Variants in ATP8A1 observed in about 807,000 individuals in gnomAD.
ATP8A1 encodes the protein ATPase phospholipid transporting 8A1.
ATP8A1 carries 90 observed loss-of-function variants against 177.7 expected under a neutral mutation model. That is an observed-to-expected ratio of 0.51 (90% confidence interval 0.43 to 0.60). ATP8A1 has a LOEUF of 0.60. Ranked by LOEUF, ATP8A1 falls within the 20% of genes least tolerant of loss-of-function variation. The pLI is 0.00. For missense variants in ATP8A1, 1,072 were observed against 1,392.8 expected, an observed-to-expected ratio of 0.77 and a Z score of 3.67; for synonymous variants, 493 against 485.9, an observed-to-expected ratio of 1.01 and a Z score of -0.19.
chr4:42,501,988 A>G (rs1723899578), intron 24 of ATP8A1, among the ~76,000 whole-genome samples: 1 of 152,186 alleles, frequency 6.6e-6, no homozygotes, highest in South Asian at 2.1e-4. Flanking sequence ...ACTTTTAGCC[A>G]CTTTACTTAA....
At position 42,447,253 on chromosome 4, in the gene ATP8A1, G is replaced by A. The variant is rs112814820; in HGVS notation, c.2897-609C>T. ...GGTTGGAGTGCAGTGGCGTGATCTC[G>A]GCTCACTGCAACCTCCGCTCCCGGG... On this transcript the variant is annotated intron_variant, in intron 30 of 36. Transcript: ENST00000381668. Among the ~76,000 whole-genome samples, 969 of 152,084 alleles carry A rather than the reference G, an allele frequency of 6.4e-3. 10 individuals are homozygous for A. The highest frequency in any genetic ancestry group is 0.022 in the African/African-American group (919 of 41,454).
At chr4:42,619,531 G>A (rs1408126825) in intron 4 of ATP8A1, among the ~76,000 whole-genome samples, 1 of 151,858 alleles carries the variant, frequency 6.6e-6, no homozygotes, top group Admixed American at 6.6e-5. Flanking sequence ...AGCATCAAGA[G>A]TTAAAATGCA....
At chr4:42,543,806 A>G in intron 20 of ATP8A1, 111 bp downstream of exon 20, 1 of 693,144 alleles carries the variant, frequency 1.4e-6, no homozygotes, top group African/African-American at 1.8e-5. Flanking sequence ...ACAAAAGTGG[A>G]TGTCAGCAAC....
At chr4:42,590,291 A>G (rs1027412452) in intron 7 of ATP8A1, among the ~76,000 whole-genome samples, 4 of 152,236 alleles carry the variant, frequency 2.6e-5, no homozygotes, top group African/African-American at 9.6e-5. Flanking sequence ...TGCAACATCC[A>G]GCTTTGTGCA....
chr4:42,578,427 T>C, intron 11 of ATP8A1, 40 bp from the exon 12 acceptor site: 3 of 1,596,774 alleles, frequency 1.9e-6, no homozygotes, highest in Non-Finnish European at 2.6e-6. Flanking sequence ...TACAGTTTTA[T>C]ATTTTATTTG....
chr4:42,535,934 A>G (rs1385357087), intron 20 of ATP8A1, among the ~76,000 whole-genome samples: 1 of 152,222 alleles, frequency 6.6e-6, no homozygotes, highest in African/African-American at 2.4e-5. Context: ...GACACAAACT[A>G]TCAAAACCTC....
At chr4:42,575,348 T>C (rs1732338032) in intron 13 of ATP8A1, among the ~76,000 whole-genome samples, 1 of 152,198 alleles carries the variant, frequency 6.6e-6, no homozygotes, top group African/African-American at 2.4e-5. Flanking sequence ...AACTTGAAAA[T>C]AGCCAATATG....
chr4:42,623,768 G>A (rs951648479), intron 4 of ATP8A1, among the ~76,000 whole-genome samples: 1 of 152,128 alleles, frequency 6.6e-6, no homozygotes, highest in Non-Finnish European at 1.5e-5. Context: ...TCGGTTTAAT[G>A]CCTGGGTGAT....
chr4:42,589,852 C>CTTT lies in ATP8A1; in HGVS notation c.524+956_524+958dup, dbSNP rs5857854. Among the ~76,000 whole-genome samples the CTTT allele has an allele frequency of 4.6e-4, 69 of 150,024 alleles. 2 individuals are homozygous for CTTT. The East Asian group carries it at 6.2e-3, about 14-fold the overall frequency. ...CAATTAGAATAATATTCTAATTCTACTTTTTTTTTTTGCATAAAGTAACTT... is the reference window on the plus strand; with the variant it reads ...CAATTAGAATAATATTCTAATTCTACTTTTTTTTTTTTTTGCATAAAGTAACTT... On this transcript the variant is annotated intron_variant, in intron 7 of 36. Coordinates refer to ENST00000381668, the MANE Select transcript of ATP8A1 (RefSeq NM_006095.2).
At chr4:42,419,686 C>G (rs1318903216) in intron 35 of ATP8A1, among the ~76,000 whole-genome samples, 1 of 152,142 alleles carries the variant, frequency 6.6e-6, no homozygotes, top group African/African-American at 2.4e-5. Context: ...AATTTCTTCC[C>G]TTTTGATAAA....
chr4:42,614,165 A>G (rs1357107476), intron 5 of ATP8A1, among the ~76,000 whole-genome samples: 1 of 152,182 alleles, frequency 6.6e-6, no homozygotes, highest in Non-Finnish European at 1.5e-5. Flanking sequence ...ATGGTAGGCA[A>G]GGAATTTTTT....
intron 22 of ATP8A1, among the ~76,000 whole-genome samples, chr4:42,514,335 G>A (rs1725304877): frequency 6.6e-6 from 1 of 152,184 alleles, no homozygotes; most frequent in Non-Finnish European, 1.5e-5. Flanking sequence ...TGAGAAGACA[G>A]CAATACCCAG....
At chr4:42,420,193 C>A (rs1171804988) in intron 35 of ATP8A1, among the ~76,000 whole-genome samples, 1 of 152,160 alleles carries the variant, frequency 6.6e-6, no homozygotes, top group African/African-American at 2.4e-5. Context: ...TTTCACAGAT[C>A]TTCCCCTTGC....
intron 33 of ATP8A1, among the ~76,000 whole-genome samples, chr4:42,441,495 A>C (rs1716639581): frequency 6.6e-6 from 1 of 152,164 alleles, no homozygotes; most frequent in Admixed American, 6.5e-5. Context: ...TCTATAATAA[A>C]AATGTTAGAA....
chr4:42,482,629 C>T (rs1721806557), intron 25 of ATP8A1, among the ~76,000 whole-genome samples: 1 of 152,196 alleles, frequency 6.6e-6, no homozygotes, highest in South Asian at 2.1e-4. Context: ...CAACACTCAT[C>T]TTTATAACTG....
chr4:42,477,467 A>G (rs534571680), intron 25 of ATP8A1, among the ~76,000 whole-genome samples: 7 of 152,292 alleles, frequency 4.6e-5, no homozygotes, highest in Admixed American at 3.9e-4. Flanking sequence ...GCCACAGCCA[A>G]GCAATCCCAT....
intron 25 of ATP8A1, among the ~76,000 whole-genome samples, chr4:42,472,932 C>T (rs928101540): frequency 6.6e-6 from 1 of 152,100 alleles, no homozygotes; most frequent in East Asian, 1.9e-4. Context: ...AAAAATGACC[C>T]TGAGGTTTCA....
chr4:42,577,572 T>C (rs927154360), intron 12 of ATP8A1, among the ~76,000 whole-genome samples: 1 of 152,146 alleles, frequency 6.6e-6, no homozygotes, highest in African/African-American at 2.4e-5. Context: ...TTCTGGCAGA[T>C]TAGGCCCACA....
At chr4:42,655,501 C>T (rs922475133) in intron 1 of ATP8A1, among the ~76,000 whole-genome samples, 1 of 152,170 alleles carries the variant, frequency 6.6e-6, no homozygotes, top group African/African-American at 2.4e-5. Context: ...TGACTAATTT[C>T]ACTCAGAAGT....
Sources: gnomAD v4.1 joint callset for allele counts (sites outside exome capture counted in the v4.1 genomes callset) on GRCh38, gnomAD v4.1.1 for gene constraint, MANE v1.5 for transcripts, NCBI Gene and HGNC (gene_info 2026-07-23, HGNC 2026-07-21) for gene names.